Variants in ZNF888 observed in about 807,000 individuals in gnomAD.
ZNF888 encodes CTD-2331H12.6.
In ZNF888, 5 loss-of-function variants were observed where a neutral mutation model predicts 7.2. The observed-to-expected ratio is 0.70, with a 90% CI of 0.36 to 1.46. ZNF888 has a LOEUF of 1.46. Among genes scored for constraint, ZNF888 ranks in the 40% most tolerant of loss-of-function variants. The pLI, the probability that ZNF888 is intolerant of heterozygous loss-of-function variation, is 0.03. For missense variants in ZNF888, 716 were observed against 858.0 expected (o/e 0.83, Z 2.07); for synonymous variants, 240 against 284.3 (o/e 0.84, Z 1.57).
chr19:52,918,101 A>C, intron 2 of ZNF888, 170 bp from the exon 3 acceptor site: 1 of 1,405,558 alleles, frequency 7.1e-7, no homozygotes, highest in Non-Finnish European at 9.2e-7. Context: ...GAAAACTCCC[A>C]CTCCCCTTCT....
chr19:52,915,247 T>A lies in ZNF888; in HGVS notation c.91A>T (p.Thr31Ser). 1.2e-6 allele frequency: 2 copies of A among 1,611,850 alleles called. No individual in the cohort carries two copies. Among genetic ancestry groups the A allele is most frequent in the Non-Finnish European group, 1.7e-6 (2 of 1,179,814 alleles). ...TCCAGCATCACGTCTCTGTATAGAG[T>A]CCTCTGAGCAGGGTCCAGGCATTTC... ...EWKCLDPAQR[T>S]LYRDVMLENY... The change falls in exon 4 of 5, where the codon ACT becomes TCT. Residue 31 changes from threonine (T) to serine (S), a missense_variant. Coordinates refer to ENST00000638862, the MANE Select transcript of ZNF888 (RefSeq NM_001393938.1).
rs373485844 is a variant in ZNF888, at chr19:52,912,065, G to A, written c.142+3131C>T. On this transcript the variant is annotated intron_variant, in intron 4 of 4. Transcript: ENST00000638862. ...CCTGACCTCGTGATCCACCCGCCTC[G>A]GCCTCCCAAAGTGCTGGGCTCACAG... Among the ~76,000 whole-genome samples, 28 of 151,292 alleles carry A rather than the reference G, an allele frequency of 1.9e-4. No individual in the cohort carries two copies. In the South Asian group the frequency reaches 2.9e-3, roughly 16 times the overall value.
chr19:52,922,052 C>T (rs1238027365), intron 1 of ZNF888, among the ~76,000 whole-genome samples: 1 of 152,124 alleles, frequency 6.6e-6, no homozygotes, highest in Non-Finnish European at 1.5e-5. Flanking sequence ...TGATGGCTCA[C>T]ACCTGTATTC....
chr19:52,916,165 C>T (rs1052661655), intron 3 of ZNF888, among the ~76,000 whole-genome samples: 12 of 152,092 alleles, frequency 7.9e-5, no homozygotes, highest in African/African-American at 2.7e-4. Context: ...AAAAATCAGC[C>T]GGGCATGGTG....
intron 1 of ZNF888, among the ~76,000 whole-genome samples, chr19:52,919,614 T>C (rs1391383527): frequency 1.5e-5 from 1 of 65,366 alleles, no homozygotes; most frequent in African/African-American, 4.9e-5. Context: ...TCTGCCTGGC[T>C]GCCCAGTCTG....
chr19:52,918,529 G>C (rs996438848), intron 2 of ZNF888, among the ~76,000 whole-genome samples: 1 of 152,120 alleles, frequency 6.6e-6, no homozygotes, highest in African/African-American at 2.4e-5. Context: ...TAGCACTCTG[G>C]AAGGCCAAGG....
At chr19:52,917,829 C>T in intron 3 of ZNF888, 30 bp downstream of exon 3, 1 of 1,613,392 alleles carries the variant, frequency 6.2e-7, no homozygotes, top group Non-Finnish European at 8.5e-7. Flanking sequence ...AGGAAGGAGA[C>T]AGAACAATCC....
Position 52,906,460 on chromosome 19 carries a change from A to G in ZNF888, c.1862T>C (p.Leu621Pro). The change falls in exon 5 of 5, where the codon CTT becomes CCT. Residue 621 changes from leucine to proline, a missense_variant. Coordinates refer to ENST00000638862, the MANE Select transcript of ZNF888 (RefSeq NM_001393938.1). ...CDKVFNIKSH[L>P]EIHRRVHTGE... Reference sequence around the variant, plus strand: ...AGTATGAACTCTCCTATGTATTTCAAGGTGTGATTTGATATTGAAAACTTT... The same window carrying G: ...AGTATGAACTCTCCTATGTATTTCAGGGTGTGATTTGATATTGAAAACTTT... 1 of 1,613,220 alleles carries G rather than the reference A, an allele frequency of 6.2e-7. No homozygotes were observed. Among genetic ancestry groups the G allele is most frequent in the Non-Finnish European group, 8.5e-7 (1 of 1,179,600 alleles).
At chr19:52,915,434 C>T in intron 3 of ZNF888, 112 bp from the exon 4 acceptor site, 1 of 1,607,904 alleles carries the variant, frequency 6.2e-7, no homozygotes. Flanking sequence ...AATGTTCTGA[C>T]AAATCCGAGT....
intron 3 of ZNF888, among the ~76,000 whole-genome samples, chr19:52,916,627 T>TATATATATATATATATAC (rs1431267956): frequency 0.013 from 1,854 of 141,926 alleles, 39 homozygotes; most frequent in African/African-American, 0.049. Context: ...TATATATATA[T>TATATATATATATATATAC]ATATATATAT....
chr19:52,915,387 G>A lies in ZNF888; in HGVS notation c.16-65C>T, dbSNP rs369816310. 79 of 1,611,864 alleles carry A rather than the reference G, an allele frequency of 4.9e-5. No homozygotes were observed. In the African/African-American group the frequency reaches 1.0e-3, roughly 20 times the overall value. Reference sequence around the variant, plus strand: ...GAGATCTTATCTTTACAGAAAATGAGAAGAAGAGAGGGGAAAGCATGGATT... The same window carrying A: ...GAGATCTTATCTTTACAGAAAATGAAAAGAAGAGAGGGGAAAGCATGGATT... On this transcript the variant is annotated intron_variant, in intron 3 of 4. Coordinates refer to ENST00000638862, the MANE Select transcript of ZNF888 (RefSeq NM_001393938.1).
In ZNF888 at chr19:52,913,490, A is replaced by G. The variant is rs577314826; in HGVS notation, c.142+1706T>C. On this transcript the variant is annotated intron_variant, in intron 4 of 4. Coordinates refer to ENST00000638862, the MANE Select transcript of ZNF888 (RefSeq NM_001393938.1). ...CAGCTGCCCACCACAGTGCCTGGCT[A>G]AGTTTTGTAATTATACTACAGATGA... Among the ~76,000 whole-genome samples the G allele has an allele frequency of 2.8e-3, 431 of 152,090 alleles. 1 individual carries two copies. The highest frequency in any genetic ancestry group is 0.01 in the African/African-American group (417 of 41,496).
At chr19:52,918,041 A>G in intron 2 of ZNF888, 110 bp from the exon 3 acceptor site, 1 of 1,473,306 alleles carries the variant, frequency 6.8e-7, no homozygotes, top group Non-Finnish European at 9.0e-7. Flanking sequence ...ACCCTGGGAA[A>G]TATGGTCCAC....
chr19:52,920,533 G>GAAAAAAAAAAAAAAAAAAA (rs1175516942), intron 1 of ZNF888, among the ~76,000 whole-genome samples: 1 of 24,804 alleles, frequency 4.0e-5, no homozygotes, highest in Admixed American at 6.6e-4. Flanking sequence ...AAAAGAAAAG[G>GAAAAAAAAAAAAAAAAAAA]AAAAAAAAAA....
At chr19:52,916,908 T>C (rs2147935082) in intron 3 of ZNF888, among the ~76,000 whole-genome samples, 1 of 149,082 alleles carries the variant, frequency 6.7e-6, no homozygotes, top group Middle Eastern at 3.5e-3. Flanking sequence ...CAAGACTCCG[T>C]TTCAGAAACA....
At position 52,905,197 on chromosome 19, in the gene ZNF888, A is replaced by C. The variant is rs1021906735; in HGVS notation, c.*968T>G. 1.3e-5 allele frequency: 2 copies of C among 152,202 alleles called. No homozygotes were observed. Among genetic ancestry groups the C allele is most frequent in the Non-Finnish European group, 2.9e-5 (2 of 68,094 alleles). The allele number at this position is 152,202 out of a possible 1,614,324, so 9.4% of individuals were successfully genotyped here. On this transcript the variant is annotated 3_prime_UTR_variant, in exon 5 of 5. Transcript: ENST00000638862. Reference sequence around the variant, plus strand: ...TGCCTATCAGTTGACATTCCACCACAAAAGAAGTGAAATTGGCTGGTCCCT... The same window carrying C: ...TGCCTATCAGTTGACATTCCACCACCAAAGAAGTGAAATTGGCTGGTCCCT...
intron 3 of ZNF888, among the ~76,000 whole-genome samples, chr19:52,916,615 C>CATATACATATATATAT (rs374760326): frequency 6.8e-5 from 9 of 131,476 alleles, no homozygotes; most frequent in African/African-American, 2.8e-4. Flanking sequence ...TATACATATA[C>CATATACATATATATAT]ATATATATAT....
At chr19:52,913,939 A>G (rs912043933) in intron 4 of ZNF888, among the ~76,000 whole-genome samples, 2 of 152,138 alleles carry the variant, frequency 1.3e-5, no homozygotes, top group African/African-American at 4.8e-5. Context: ...CAGCCTGGCC[A>G]ACATGGTGAA....
intron 4 of ZNF888, among the ~76,000 whole-genome samples, chr19:52,912,403 G>A (rs181407242): frequency 5.3e-5 from 8 of 150,104 alleles, no homozygotes; most frequent in South Asian, 2.2e-4. Flanking sequence ...ATGAGCCACC[G>A]TGCCTGGCCA....
Sources: gnomAD v4.1 joint callset for allele counts (sites outside exome capture counted in the v4.1 genomes callset) on GRCh38, gnomAD v4.1.1 for gene constraint, MANE v1.5 for transcripts, NCBI Gene and HGNC (gene_info 2026-07-23, HGNC 2026-07-21) for gene names.